Variants in PXK observed in about 807,000 individuals in gnomAD.
PXK encodes the protein PX domain-containing protein kinase-like protein.
In PXK, 35 loss-of-function variants were observed where a neutral mutation model predicts 84.7. The ratio of observed to expected loss-of-function variants is 0.41; its 90% CI spans 0.32 to 0.55. The LOEUF is 0.55. Among genes scored for constraint, PXK ranks in the 20% least tolerant of loss-of-function variants. The pLI is 0.21. For missense variants in PXK, 634 were observed against 699.7 expected (o/e 0.91, Z 1.06); for synonymous variants, 253 against 260.8 (o/e 0.97, Z 0.29).
intron 1 of PXK, among the ~76,000 whole-genome samples, chr3:58,346,310 A>C (rs2097818017): frequency 6.6e-6 from 1 of 152,090 alleles, no homozygotes; most frequent in African/African-American, 2.4e-5. Context: ...TGCAGTGGAA[A>C]GGGTGAAGGA....
At position 58,406,696 on chromosome 3, in the gene PXK, G is replaced by A. The variant is rs930583804; in HGVS notation, c.1231-2228G>A. On this transcript the variant is annotated intron_variant, in intron 13 of 17. Transcript: ENST00000356151. ...AACAGGTCTCTAGAGCTTACAACCTGAAACTCTATACCCATAGAATAATGA... is the reference window on the plus strand; with the variant it reads ...AACAGGTCTCTAGAGCTTACAACCTAAAACTCTATACCCATAGAATAATGA... 4.6e-5 allele frequency among the ~76,000 whole-genome samples: 7 copies of A among 152,248 alleles called. No homozygotes were observed. In the South Asian group the frequency reaches 8.3e-4, roughly 18 times the overall value.
chr3:58,373,440 C>T (rs1232907818), intron 3 of PXK, among the ~76,000 whole-genome samples: 1 of 152,144 alleles, frequency 6.6e-6, no homozygotes, highest in East Asian at 1.9e-4. Flanking sequence ...AACTAGATGA[C>T]TTCTGAGGTC....
chr3:58,336,053 ATATATATATATATATATATTTTTT>A lies in PXK; in HGVS notation c.102+2965_102+2988del, dbSNP rs765718947. Among the ~76,000 whole-genome samples the A allele has an allele frequency of 9.8e-4, 60 of 61,220 alleles. 1 individual carries two copies. Among genetic ancestry groups the A allele is most frequent in the African/African-American group, 6.0e-3 (53 of 8,864 alleles). 40.2% of individuals were successfully genotyped at this position (61,220 alleles called of 152,430 possible). A position where few individuals can be genotyped will look rare whatever the true frequency, so the allele number is the denominator to read the frequency against. On this transcript the variant is annotated intron_variant, in intron 1 of 17. Coordinates refer to ENST00000356151, the MANE Select transcript of PXK (RefSeq NM_017771.5). ...CCTTGGGAAACATATATATATATAT[ATATATATATATATATATATTTTTT>A]TTTTTTTTTTTTAATACCAATGGGG...
rs544992536 is a variant in PXK, at chr3:58,412,752, C to T, written c.1466-149C>T. On this transcript the variant is annotated intron_variant, in intron 16 of 17. Transcript: ENST00000356151. This position sits in a 1 kb window ranked among gnomAD's most constrained non-coding sequence, Gnocchi z 6.2. ...AAAAGCCTGTCACTGGGTCCGGTCT[C>T]TGAGTTTTTTGTCCCTCATCATCTT... 7 of 766,990 alleles carry T rather than the reference C, an allele frequency of 9.1e-6. No homozygotes were observed. Among genetic ancestry groups the T allele is most frequent in the Non-Finnish European group, 1.6e-5 (7 of 450,336 alleles). 47.5% of individuals were successfully genotyped at this position (766,990 alleles called of 1,614,324 possible).
At position 58,383,872 on chromosome 3, in the gene PXK, TAGAG is replaced by T. The variant is rs1309031407; in HGVS notation, c.388+1177_388+1180del. 3.9e-5 allele frequency among the ~76,000 whole-genome samples: 6 copies of T among 152,346 alleles called. No homozygotes were observed. Among genetic ancestry groups the T allele is most frequent in the South Asian group, 2.1e-4 (1 of 4,834 alleles). On this transcript the variant is annotated intron_variant, in intron 4 of 17. Coordinates refer to ENST00000356151, the MANE Select transcript of PXK (RefSeq NM_017771.5). The surrounding 1 kb of genome is among the most constrained non-coding windows in gnomAD (Gnocchi z 4.0). ...CTTAAAACATTGCTTTTGAAGTAAT[TAGAG>T]AGAGGCATTTTTATTCCTATTTTAT...
At chr3:58,338,962 C>T (rs1284029737) in intron 1 of PXK, among the ~76,000 whole-genome samples, 1 of 151,696 alleles carries the variant, frequency 6.6e-6, no homozygotes, top group Non-Finnish European at 1.5e-5. Context: ...GGATTACAGG[C>T]GTGAGCCACT....
intron 3 of PXK, among the ~76,000 whole-genome samples, chr3:58,377,915 T>C (rs970655462): frequency 6.6e-5 from 10 of 152,306 alleles, no homozygotes; most frequent in African/African-American, 7.2e-5. Context: ...ACAGAACCCC[T>C]GGAAGGTTCC....
chr3:58,333,132 C>T lies in PXK; in HGVS notation c.102+42C>T, dbSNP rs2097524720. 3 of 1,057,412 alleles carry T rather than the reference C, an allele frequency of 2.8e-6. No homozygotes were observed. The highest frequency in any genetic ancestry group is 5.4e-5 in the Admixed American group (1 of 18,644). The allele number at this position is 1,057,412 out of a possible 1,614,324, so 65.5% of individuals were successfully genotyped here. A position where few individuals can be genotyped will look rare whatever the true frequency, so the allele number is the denominator to read the frequency against. The stretch of plus-strand genomic sequence containing the variant: ...GCGGGCGGGCGGCGTGGGGCGGCCC[C>T]GGGCCGCGAGGGGGCTGCGGGCTGC... On this transcript the variant is annotated intron_variant, in intron 1 of 17. Transcript: ENST00000356151. The surrounding 1 kb of genome is among the most constrained non-coding windows in gnomAD (Gnocchi z 5.4).
Position 58,396,370 on chromosome 3 carries a change from A to G in PXK, c.822+611A>G, listed in dbSNP as rs139188852. Among the ~76,000 whole-genome samples, 106 of 152,326 alleles carry G rather than the reference A, an allele frequency of 7.0e-4. 1 individual carries two copies. The highest frequency in any genetic ancestry group is 2.3e-3 in the African/African-American group (94 of 41,572). On this transcript the variant is annotated intron_variant, in intron 9 of 17. Coordinates refer to ENST00000356151, the MANE Select transcript of PXK (RefSeq NM_017771.5). ...AAAAAAATAACATTTTTAAAAAACA[A>G]CAACTATGAAGAGAAGTTGTAATAT...
At chr3:58,389,881 C>T (rs1450886642) in intron 4 of PXK, among the ~76,000 whole-genome samples, 1 of 151,230 alleles carries the variant, frequency 6.6e-6, no homozygotes, top group Non-Finnish European at 1.5e-5. Flanking sequence ...TGCCTGTAAT[C>T]CTAACTACTC....
intron 1 of PXK, among the ~76,000 whole-genome samples, chr3:58,355,496 C>T (rs563614874): frequency 1.2e-3 from 177 of 152,248 alleles, no homozygotes; most frequent in African/African-American, 3.9e-3. Flanking sequence ...TGTTTGTAGC[C>T]TCACTAAAGT....
intron 1 of PXK, among the ~76,000 whole-genome samples, chr3:58,342,941 C>T (rs777756303): frequency 5.3e-5 from 8 of 152,206 alleles, no homozygotes; most frequent in Non-Finnish European, 8.8e-5. Flanking sequence ...GTTCTAGGCA[C>T]GGCTCTGCCT....
At chr3:58,394,623 C>T (rs1008494598) in intron 7 of PXK, among the ~76,000 whole-genome samples, 4 of 152,178 alleles carry the variant, frequency 2.6e-5, no homozygotes, top group Admixed American at 2.6e-4. Context: ...GTATTCTTTA[C>T]TGACTTACAG....
intron 3 of PXK, among the ~76,000 whole-genome samples, chr3:58,376,153 G>A (rs947305921): frequency 6.6e-6 from 1 of 151,990 alleles, no homozygotes; most frequent in Admixed American, 6.6e-5. Context: ...GGTGGCTCAC[G>A]CCTGTAATTC....
At chr3:58,347,918 T>A (rs752988459) in intron 1 of PXK, among the ~76,000 whole-genome samples, 1 of 152,018 alleles carries the variant, frequency 6.6e-6, no homozygotes, top group Non-Finnish European at 1.5e-5. Context: ...TAATGAACTT[T>A]GTTTTGTTTT....
chr3:58,340,051 C>A (rs979437994), intron 1 of PXK, among the ~76,000 whole-genome samples: 1 of 151,738 alleles, frequency 6.6e-6, no homozygotes, highest in Non-Finnish European at 1.5e-5. Flanking sequence ...CTCCTGACCT[C>A]AGGTGATCCA....
intron 4 of PXK, among the ~76,000 whole-genome samples, chr3:58,387,885 G>A (rs552685633): frequency 2.0e-5 from 3 of 152,102 alleles, no homozygotes; most frequent in African/African-American, 7.2e-5. Context: ...CTGAGGGAGT[G>A]GGGGCAGGCC....
At chr3:58,374,568 G>T (rs1270223612) in intron 3 of PXK, among the ~76,000 whole-genome samples, 1 of 152,160 alleles carries the variant, frequency 6.6e-6, no homozygotes, top group Non-Finnish European at 1.5e-5. Flanking sequence ...AGGAACTCAA[G>T]AAGGGAATCC....
At chr3:58,356,885 G>A (rs2108229878) in intron 1 of PXK, among the ~76,000 whole-genome samples, 1 of 128,764 alleles carries the variant, frequency 7.8e-6, no homozygotes, top group Middle Eastern at 4.0e-3. Context: ...AGAGGCGTGA[G>A]CCACTGCGCC....
Sources: gnomAD v4.1 joint callset for allele counts (sites outside exome capture counted in the v4.1 genomes callset) on GRCh38, gnomAD v4.1.1 for gene constraint, Gnocchi (gnomAD v3.1) non-coding constraint, MANE v1.5 for transcripts, NCBI Gene and HGNC (gene_info 2026-07-23, HGNC 2026-07-21) for gene names.